The following GTF2B variants were observed in gnomAD, a reference collection of about 807,000 sequenced individuals.
GTF2B encodes transcription initiation factor IIB.
In GTF2B, 20 loss-of-function variants were observed where a neutral mutation model predicts 34.6. That is an observed-to-expected ratio of 0.58 (90% confidence interval 0.41 to 0.84). GTF2B has a LOEUF of 0.84. GTF2B is among the 40% of genes least tolerant of loss of function. The pLI, the probability that GTF2B is intolerant of heterozygous loss-of-function variation, is 0.00. For synonymous variants in GTF2B, 142 were observed against 132.4 expected, an observed-to-expected ratio of 1.07 and a Z score of -0.50; for missense variants, 237 against 393.3, an observed-to-expected ratio of 0.60 and a Z score of 3.36.
At chr1:88,879,219 T>C (rs1430809718) in intron 2 of GTF2B, among the ~76,000 whole-genome samples, 1 of 152,054 alleles carries the variant, frequency 6.6e-6, no homozygotes, top group Admixed American at 6.6e-5. Flanking sequence ...GGAAAAAAGG[T>C]ATAAAGTATA....
chr1:88,861,355 C>A (rs1673436295), intron 3 of GTF2B, among the ~76,000 whole-genome samples: 1 of 152,184 alleles, frequency 6.6e-6, no homozygotes, highest in Non-Finnish European at 1.5e-5. Flanking sequence ...ACCAAAACCC[C>A]AGTGAGAATA....
At chr1:88,880,867 G>A (rs1673920979) in intron 2 of GTF2B, among the ~76,000 whole-genome samples, 1 of 151,912 alleles carries the variant, frequency 6.6e-6, no homozygotes. Context: ...AAATTAGCTG[G>A]GAGTGGCAGT....
chr1:88,856,804 G>GTTT (rs139940304), intron 6 of GTF2B, among the ~76,000 whole-genome samples: 7 of 137,764 alleles, frequency 5.1e-5, no homozygotes, highest in East Asian at 2.1e-4. Flanking sequence ...TTAAACGTGG[G>GTTT]TTTTTTTTTT....
chr1:88,853,806 A>T (rs904460855), intron 6 of GTF2B, among the ~76,000 whole-genome samples: 1 of 152,222 alleles, frequency 6.6e-6, no homozygotes, highest in Non-Finnish European at 1.5e-5. Context: ...CCATCTCTAA[A>T]TAAATTAATA....
intron 5 of GTF2B, among the ~76,000 whole-genome samples, chr1:88,859,565 T>C (rs1356668447): frequency 6.6e-6 from 1 of 152,184 alleles, no homozygotes; most frequent in Admixed American, 6.5e-5. Flanking sequence ...ATGGGCACAG[T>C]GCCTCACGCC....
intron 2 of GTF2B, among the ~76,000 whole-genome samples, chr1:88,864,834 C>G (rs981672236): frequency 3.3e-5 from 5 of 152,238 alleles, no homozygotes; most frequent in Non-Finnish European, 5.9e-5. Flanking sequence ...ATACTACTCA[C>G]TGTGCCCTTT....
chr1:88,857,871 G>A (rs146859711), intron 5 of GTF2B, among the ~76,000 whole-genome samples: 19,404 of 151,336 alleles, frequency 0.13, 3,072 homozygotes, highest in African/African-American at 0.38. Context: ...TAGTAGAGAT[G>A]GGGTTTCACC....
intron 2 of GTF2B, among the ~76,000 whole-genome samples, chr1:88,880,479 T>TATA (rs1557660282): frequency 6.6e-6 from 1 of 152,214 alleles, no homozygotes; most frequent in Non-Finnish European, 1.5e-5. Flanking sequence ...TAGAATGGAC[T>TATA]ATATACACAA....
intron 2 of GTF2B, among the ~76,000 whole-genome samples, chr1:88,866,013 T>C (rs555273932): frequency 6.6e-6 from 1 of 152,132 alleles, no homozygotes; most frequent in African/African-American, 2.4e-5. Flanking sequence ...ATATAAAAAT[T>C]AATTTAAATG....
chr1:88,855,720 T>C (rs1469908940), intron 6 of GTF2B, among the ~76,000 whole-genome samples: 1 of 152,148 alleles, frequency 6.6e-6, no homozygotes, highest in Non-Finnish European at 1.5e-5. Flanking sequence ...AGTGGCATGA[T>C]CTCAGCTCAC....
At chr1:88,860,894 CT>C (rs1673417740) in intron 3 of GTF2B, among the ~76,000 whole-genome samples, 1 of 152,098 alleles carries the variant, frequency 6.6e-6, no homozygotes, top group African/African-American at 2.4e-5. Flanking sequence ...AAGGTACCTC[CT>C]ACTGCTACCA....
chr1:88,878,861 G>A (rs1280410420), intron 2 of GTF2B, among the ~76,000 whole-genome samples: 1 of 152,170 alleles, frequency 6.6e-6, no homozygotes, highest in Admixed American at 6.5e-5. Flanking sequence ...AGCCCTGGAG[G>A]ATGACAGATC....
chr1:88,866,419 C>CT (rs1240470426), intron 2 of GTF2B, among the ~76,000 whole-genome samples: 2 of 151,994 alleles, frequency 1.3e-5, no homozygotes, highest in Admixed American at 6.6e-5. Context: ...TTTTCTTTTC[C>CT]TTTTTTTCAG....
chr1:88,879,751 GTTAA>G (rs1673893673), intron 2 of GTF2B, among the ~76,000 whole-genome samples: 1 of 151,894 alleles, frequency 6.6e-6, no homozygotes, highest in South Asian at 2.1e-4. Flanking sequence ...CAAATTAAAC[GTTAA>G]TTAAATATAA....
intron 2 of GTF2B, among the ~76,000 whole-genome samples, chr1:88,883,028 G>A (rs1164595594): frequency 1.3e-5 from 2 of 152,166 alleles, no homozygotes; most frequent in African/African-American, 2.4e-5. Context: ...ATGTGGTAAT[G>A]AACATCCTAT....
chr1:88,887,198 C>T (rs879046169), intron 2 of GTF2B, 63 bp downstream of exon 2: 9 of 1,045,540 alleles, frequency 8.6e-6, no homozygotes, highest in African/African-American at 1.6e-5. Flanking sequence ...GAATTACAGG[C>T]GTGAGCCACC....
chr1:88,881,558 G>C lies in GTF2B; in HGVS notation c.124+5703C>G, dbSNP rs553012624. Among the ~76,000 whole-genome samples, 4 of 152,132 alleles carry C rather than the reference G, an allele frequency of 2.6e-5. No individual in the cohort carries two copies. In the East Asian group the frequency reaches 5.8e-4, roughly 22 times the overall value. ...GATAGTCTCAGCAAAACAGAACTTTGCTCCTAGACTCTTCTACACCTGCCC... is the reference window on the plus strand; with the variant it reads ...GATAGTCTCAGCAAAACAGAACTTTCCTCCTAGACTCTTCTACACCTGCCC... On this transcript the variant is annotated intron_variant, in intron 2 of 6. Transcript: ENST00000370500.
intron 6 of GTF2B, among the ~76,000 whole-genome samples, chr1:88,855,429 C>T (rs530804560): frequency 4.6e-5 from 7 of 151,000 alleles, no homozygotes; most frequent in Admixed American, 2.6e-4. Flanking sequence ...CTAGGCTCAC[C>T]GCAACCTCTG....
At chr1:88,857,137 T>C in intron 6 of GTF2B, 69 bp downstream of exon 6, 1 of 1,423,148 alleles carries the variant, frequency 7.0e-7, no homozygotes, top group Non-Finnish European at 9.7e-7. Flanking sequence ...GGTTCAGACT[T>C]AAAATGGAAA....
Sources: allele counts gnomAD v4.1 joint callset (sites outside exome capture counted in the v4.1 genomes callset), GRCh38; gene constraint gnomAD v4.1.1; transcripts MANE v1.5; gene names NCBI Gene and HGNC (gene_info 2026-07-23, HGNC 2026-07-21).